Variants in NRXN1 observed in about 807,000 individuals in gnomAD.
NRXN1 encodes neurexin 1, also known as neurexin-1.
Under a neutral mutation model 150.9 loss-of-function variants are expected in NRXN1, and 39 were observed. The ratio of observed to expected loss-of-function variants is 0.26; its 90% confidence interval spans 0.20 to 0.34. The LOEUF is 0.34. Among genes scored for constraint, NRXN1 ranks in the 10% least tolerant of loss-of-function variants. The pLI, the probability that NRXN1 is intolerant of heterozygous loss-of-function variation, is 1.00. For synonymous variants in NRXN1, 924 were observed against 757.0 expected, an observed-to-expected ratio of 1.22 and a Z score of -3.62; for missense variants, 1,815 against 1,949.9, an observed-to-expected ratio of 0.93 and a Z score of 1.30.
Position 51,005,292 on chromosome 2 carries a change from T to C in NRXN1, c.772+22210A>G, listed in dbSNP as rs13006242. On this transcript the variant is annotated intron_variant, in intron 2 of 22. Transcript: ENST00000401669. ...AATCTACACATTTTTAAACTCATTT[T>C]TGAATTGACATATAATAATTGCAAA... Among the ~76,000 whole-genome samples the C allele has an allele frequency of 5.5e-3, 841 of 152,128 alleles. 5 individuals carry two copies. The highest frequency in any genetic ancestry group is 6.6e-3 in the Non-Finnish European group (450 of 67,928).
At chr2:50,532,660 G>A (rs527257417) in intron 10 of NRXN1, among the ~76,000 whole-genome samples, 2 of 152,210 alleles carry the variant, frequency 1.3e-5, no homozygotes, top group Non-Finnish European at 2.9e-5. Flanking sequence ...ATAAGCATGG[G>A]GGTGGGACTG....
intron 5 of NRXN1, among the ~76,000 whole-genome samples, chr2:50,674,759 G>A (rs1689324311): frequency 6.6e-6 from 1 of 152,200 alleles, no homozygotes; most frequent in African/African-American, 2.4e-5. Flanking sequence ...AGTCAACACA[G>A]GGTGAAAATA....
chr2:50,331,600 G>A (rs180946778), intron 17 of NRXN1, among the ~76,000 whole-genome samples: 2 of 152,266 alleles, frequency 1.3e-5, no homozygotes, highest in East Asian at 1.9e-4. Flanking sequence ...TAAGAGAAGA[G>A]CAATAGATTT....
chr2:50,450,417 G>A (rs1374837368), intron 17 of NRXN1, among the ~76,000 whole-genome samples: 1 of 144,382 alleles, frequency 6.9e-6, no homozygotes, highest in East Asian at 2.2e-4. Context: ...AAGCACTTGT[G>A]ATAGGTCATG....
intron 17 of NRXN1, among the ~76,000 whole-genome samples, chr2:50,259,671 A>G (rs2068053632): frequency 6.6e-6 from 1 of 151,918 alleles, no homozygotes; most frequent in Non-Finnish European, 1.5e-5. Flanking sequence ...TTAGCTTTCA[A>G]TAATACCTTT....
intron 5 of NRXN1, among the ~76,000 whole-genome samples, chr2:50,824,134 T>A (rs1670115676): frequency 6.6e-6 from 1 of 152,060 alleles, no homozygotes. Flanking sequence ...AAACTACATT[T>A]TTTTCACACA....
intron 2 of NRXN1, among the ~76,000 whole-genome samples, chr2:50,938,666 T>C (rs569839737): frequency 4.0e-4 from 61 of 152,338 alleles, no homozygotes; most frequent in African/African-American, 1.4e-3. Flanking sequence ...CTCACAGTTC[T>C]GCATGGCTGA....
chr2:49,987,349 T>C (rs964898486), intron 21 of NRXN1, among the ~76,000 whole-genome samples: 1 of 152,196 alleles, frequency 6.6e-6, no homozygotes, highest in Non-Finnish European at 1.5e-5. Context: ...TCCTAAGCCT[T>C]GGCCTCCCAA....
intron 5 of NRXN1, among the ~76,000 whole-genome samples, chr2:50,721,406 C>G (rs1030802241): frequency 1.3e-5 from 2 of 152,208 alleles, no homozygotes; most frequent in African/African-American, 4.8e-5. Flanking sequence ...GAGATAACTA[C>G]CCTTTACTAA....
chr2:50,759,881 T>C (rs957544062), intron 5 of NRXN1, among the ~76,000 whole-genome samples: 17 of 147,818 alleles, frequency 1.2e-4, no homozygotes, highest in African/African-American at 4.2e-4. Flanking sequence ...ACTTAATCAA[T>C]ACCTAACAAA....
At chr2:50,654,835 G>A (rs1385663526) in intron 5 of NRXN1, among the ~76,000 whole-genome samples, 1 of 152,016 alleles carries the variant, frequency 6.6e-6, no homozygotes, top group Non-Finnish European at 1.5e-5. Context: ...CTTCTTTTGA[G>A]AAGTGTCTGT....
chr2:50,256,850 A>G (rs1293631002), intron 17 of NRXN1, among the ~76,000 whole-genome samples: 1 of 152,054 alleles, frequency 6.6e-6, no homozygotes, highest in Non-Finnish European at 1.5e-5. Context: ...TTGCCTAGTG[A>G]TGACAAAATT....
chr2:50,487,413 A>T (rs962373340), intron 15 of NRXN1, among the ~76,000 whole-genome samples: 2 of 152,224 alleles, frequency 1.3e-5, no homozygotes, highest in Non-Finnish European at 1.5e-5. Context: ...CATTCATGTG[A>T]TGTCAATGGG....
chr2:49,943,175 A>C (rs1211133179), intron 22 of NRXN1, among the ~76,000 whole-genome samples: 1 of 152,178 alleles, frequency 6.6e-6, no homozygotes, highest in African/African-American at 2.4e-5. Flanking sequence ...GAAACATGGC[A>C]AGACTCAAAT....
chr2:50,088,196 A>T (rs1699066015), intron 19 of NRXN1, among the ~76,000 whole-genome samples: 1 of 152,126 alleles, frequency 6.6e-6, no homozygotes, highest in Admixed American at 6.5e-5. Flanking sequence ...TGTCACAAAA[A>T]CTTTAATCAA....
chr2:50,978,438 G>A (rs66496530), intron 2 of NRXN1, among the ~76,000 whole-genome samples: 34,517 of 150,150 alleles, frequency 0.23, 4,235 homozygotes, highest in Non-Finnish European at 0.28. Flanking sequence ...CTGCATCAAT[G>A]TTGTTAATGG....
chr2:50,991,393 AATGG>A (rs541696485), intron 2 of NRXN1, among the ~76,000 whole-genome samples: 166 of 152,140 alleles, frequency 1.1e-3, no homozygotes, highest in African/African-American at 3.9e-3. Flanking sequence ...ACCTCATCAA[AATGG>A]ATGCTTGTGA....
At chr2:50,094,192 A>C (rs1425825369) in intron 18 of NRXN1, among the ~76,000 whole-genome samples, 4 of 152,222 alleles carry the variant, frequency 2.6e-5, no homozygotes, top group Non-Finnish European at 4.4e-5. Context: ...TAACATAATA[A>C]GTCAAAAACA....
chr2:50,814,681 G>T (rs969307027), intron 5 of NRXN1, among the ~76,000 whole-genome samples: 2 of 151,862 alleles, frequency 1.3e-5, no homozygotes, highest in African/African-American at 4.8e-5. Context: ...TTACTTCAAG[G>T]ATCTCACTTA....
Sources: allele counts gnomAD v4.1 joint callset (sites outside exome capture counted in the v4.1 genomes callset), GRCh38; gene constraint gnomAD v4.1.1; transcripts MANE v1.5; gene names NCBI Gene and HGNC (gene_info 2026-07-23, HGNC 2026-07-21).